Variants in PLXNA4 observed in about 807,000 individuals in gnomAD.
The protein encoded by PLXNA4 is plexin-A4.
PLXNA4 carries 44 observed loss-of-function variants against 191.8 expected under a neutral mutation model. The ratio of observed to expected loss-of-function variants is 0.23; its 90% CI spans 0.18 to 0.29. PLXNA4 has a LOEUF of 0.29. Ranked by LOEUF, PLXNA4 falls within the 10% of genes least tolerant of loss-of-function variation. The probability of loss-of-function intolerance (pLI) is 1.00; values close to 1 mark genes in which losing one functional copy is unlikely to be tolerated. For synonymous variants in PLXNA4, 1,082 were observed against 1,009.5 expected (o/e 1.07, Z -1.36); for missense variants, 1,800 against 2,488.8 (o/e 0.72, Z 5.89).
rs12540203 is a variant in PLXNA4 at position 132,639,557 on chromosome 7, T to C, written c.-87+6371A>G. Reference sequence around the variant, plus strand: ...GCCCCCACAATCACCAGTAGTAAAATGTTCCTAAAAAGAACATTTATCTTT... The same window carrying C: ...GCCCCCACAATCACCAGTAGTAAAACGTTCCTAAAAAGAACATTTATCTTT... On this transcript the variant is annotated intron_variant, in intron 2 of 4. Transcript: ENST00000378539. 5.5e-3 allele frequency among the ~76,000 whole-genome samples: 832 copies of C among 152,264 alleles called. 7 individuals carry two copies. Among genetic ancestry groups the C allele is most frequent in the Middle Eastern group, 0.027 (8 of 294 alleles).
intron 9 of PLXNA4, among the ~76,000 whole-genome samples, chr7:132,219,340 C>G (rs576015258): frequency 2.6e-5 from 4 of 152,328 alleles, no homozygotes; most frequent in African/African-American, 9.6e-5. Flanking sequence ...GCCAGCCCCC[C>G]TGACCACTTT....
Position 132,601,179 on chromosome 7 carries a change from T to C in PLXNA4, c.-87+44749A>G, listed in dbSNP as rs1298935005. 3.3e-5 allele frequency among the ~76,000 whole-genome samples: 5 copies of C among 152,262 alleles called. No homozygotes were observed. In the East Asian group the frequency reaches 9.6e-4, roughly 29 times the overall value. Reference sequence around the variant, plus strand: ...CCACTTAGCACATGGGAGGGTTCAGTAAATATTGAGGGAATTTTTCCTGAA... The same window carrying C: ...CCACTTAGCACATGGGAGGGTTCAGCAAATATTGAGGGAATTTTTCCTGAA... On this transcript the variant is annotated intron_variant, in intron 2 of 4. Coordinates refer to the PLXNA4 transcript ENST00000378539.
chr7:132,212,098 G>T (rs112470973), intron 9 of PLXNA4, among the ~76,000 whole-genome samples: 1 of 152,088 alleles, frequency 6.6e-6, no homozygotes, highest in South Asian at 2.1e-4. Context: ...CCTGTGCCAG[G>T]CAGGTCCCAC....
chr7:132,598,193 C>T (rs984224169), intron 2 of PLXNA4, among the ~76,000 whole-genome samples: 10 of 152,194 alleles, frequency 6.6e-5, no homozygotes, highest in Admixed American at 2.0e-4. Flanking sequence ...ACTGCAACCT[C>T]GGCTTCCCGG....
intron 1 of PLXNA4, among the ~76,000 whole-genome samples, chr7:132,513,885 A>G (rs1404897114): frequency 1.3e-5 from 2 of 151,630 alleles, no homozygotes; most frequent in East Asian, 3.9e-4. Context: ...ATGTTGGGTC[A>G]GGCTAGTCTT....
At chr7:132,610,910 G>A (rs1483625160) in intron 2 of PLXNA4, among the ~76,000 whole-genome samples, 4 of 152,206 alleles carry the variant, frequency 2.6e-5, no homozygotes, top group African/African-American at 4.8e-5. Context: ...GCAGGAGGGT[G>A]TCTGGCCCGT....
chr7:132,225,032 C>T (rs935813028), intron 8 of PLXNA4, among the ~76,000 whole-genome samples: 2 of 152,148 alleles, frequency 1.3e-5, no homozygotes, highest in Non-Finnish European at 2.9e-5. Context: ...TTTTGTGGGG[C>T]TTCTGTGGAG....
intron 20 of PLXNA4, among the ~76,000 whole-genome samples, chr7:132,179,133 ACACACG>A (rs1796601981): frequency 9.4e-6 from 1 of 105,936 alleles, no homozygotes. Flanking sequence ...GTGCGTGCTC[ACACACG>A]TGCGTGCTCA....
chr7:132,199,669 T>A (rs1376911855), intron 12 of PLXNA4, among the ~76,000 whole-genome samples: 4 of 152,010 alleles, frequency 2.6e-5, no homozygotes, highest in Non-Finnish European at 5.9e-5. Flanking sequence ...TTTCAGCATA[T>A]CCAACTCTCC....
intron 3 of PLXNA4, among the ~76,000 whole-genome samples, chr7:132,370,219 G>A (rs75460865): frequency 0.011 from 1,734 of 152,310 alleles, 43 homozygotes; most frequent in African/African-American, 0.039. Context: ...AGAAAATCCA[G>A]GTACATTCCT....
intron 4 of PLXNA4, among the ~76,000 whole-genome samples, chr7:132,245,800 G>A (rs762521947): frequency 1.3e-5 from 2 of 152,194 alleles, no homozygotes; most frequent in Non-Finnish European, 1.5e-5. Flanking sequence ...GATGAACCTC[G>A]AGGACATGAT....
intron 5 of PLXNA4, among the ~76,000 whole-genome samples, chr7:132,229,674 G>A (rs1443691206): frequency 6.6e-6 from 1 of 152,166 alleles, no homozygotes; most frequent in Non-Finnish European, 1.5e-5. Context: ...CAGGGCAGGA[G>A]AGAGCCCCAG....
intron 7 of PLXNA4, among the ~76,000 whole-genome samples, chr7:132,226,656 T>C (rs1404418930): frequency 6.6e-6 from 1 of 152,232 alleles, no homozygotes; most frequent in Admixed American, 6.5e-5. Flanking sequence ...TATGTGTGTG[T>C]ATGCATGAGC....
chr7:132,589,739 A>T (rs545853031), intron 2 of PLXNA4, among the ~76,000 whole-genome samples: 1 of 152,372 alleles, frequency 6.6e-6, no homozygotes, highest in African/African-American at 2.4e-5. Flanking sequence ...GTAATGAGTG[A>T]AATGAACTAG....
intron 3 of PLXNA4, among the ~76,000 whole-genome samples, chr7:132,482,334 C>T (rs111671530): frequency 1.3e-5 from 2 of 152,210 alleles, no homozygotes; most frequent in Non-Finnish European, 2.9e-5. Flanking sequence ...GAGAAGCCTG[C>T]TGCTGCACTC....
At chr7:132,444,881 C>T (rs1194116203) in intron 3 of PLXNA4, among the ~76,000 whole-genome samples, 3 of 151,792 alleles carry the variant, frequency 2.0e-5, no homozygotes, top group Admixed American at 6.6e-5. Flanking sequence ...GATTGGTTCT[C>T]GGCTGGGCGC....
intron 4 of PLXNA4, among the ~76,000 whole-genome samples, chr7:132,253,239 T>C (rs140621353): frequency 0.45 from 61,622 of 137,190 alleles, 13,594 homozygotes; most frequent in East Asian, 0.67. Flanking sequence ...TTTCTTTTTT[T>C]TTTTTTTTTT....
chr7:132,278,461 A>G (rs1237726940), intron 4 of PLXNA4, among the ~76,000 whole-genome samples: 1 of 152,198 alleles, frequency 6.6e-6, no homozygotes, highest in East Asian at 1.9e-4. Context: ...TTTTCAAGGC[A>G]GAATAAACTC....
chr7:132,177,168 C>T (rs1024575166), intron 20 of PLXNA4, among the ~76,000 whole-genome samples: 4 of 145,198 alleles, frequency 2.8e-5, no homozygotes, highest in Non-Finnish European at 3.0e-5. Flanking sequence ...TGTGAGTGCA[C>T]GAGTGAGTGT....
Sources: gnomAD v4.1 joint callset for allele counts (sites outside exome capture counted in the v4.1 genomes callset) on GRCh38, gnomAD v4.1.1 for gene constraint, MANE v1.5 for transcripts, NCBI Gene and HGNC (gene_info 2026-07-23, HGNC 2026-07-21) for gene names.